TPD52: variants seen among roughly 807,000 people sequenced by gnomAD.
The protein encoded by TPD52 is tumor protein D52.
Under a neutral mutation model 31.3 loss-of-function variants are expected in TPD52, and 17 were observed. The ratio of observed to expected loss-of-function variants is 0.54; its 90% CI spans 0.37 to 0.82. The LOEUF is 0.82. TPD52 is among the 40% of genes least tolerant of loss of function. The pLI is 0.00. For synonymous variants in TPD52, 83 were observed against 89.6 expected, an observed-to-expected ratio of 0.93 and a Z score of 0.42; for missense variants, 212 against 240.1, an observed-to-expected ratio of 0.88 and a Z score of 0.77.
chr8:80,086,472 C>A (rs1412809302), intron 1 of TPD52, among the ~76,000 whole-genome samples: 1 of 151,880 alleles, frequency 6.6e-6, no homozygotes, highest in Non-Finnish European at 1.5e-5. Flanking sequence ...ACATCGATGT[C>A]ATAAAGGACA....
At chr8:80,115,954 G>C (rs1807833845) in intron 1 of TPD52, among the ~76,000 whole-genome samples, 2 of 152,074 alleles carry the variant, frequency 1.3e-5, no homozygotes, top group African/African-American at 4.8e-5. Context: ...ACAAAAACTT[G>C]TTAAAATAAA....
At chr8:80,067,167 C>G (rs1813249797) in intron 1 of TPD52, 1 of 152,148 alleles carries the variant, frequency 6.6e-6, no homozygotes. Flanking sequence ...AAGTATGCGG[C>G]TAGGCTATCA....
At chr8:80,130,631 T>C (rs1169245432) in intron 1 of TPD52, among the ~76,000 whole-genome samples, 5 of 152,200 alleles carry the variant, frequency 3.3e-5, no homozygotes, top group Admixed American at 6.5e-5. Context: ...AACAAGATAC[T>C]AGAAAATATA....
At chr8:80,164,898 CAAAAAAAAAAAAAAA>C (rs34027501) in intron 1 of TPD52, among the ~76,000 whole-genome samples, 17 of 31,910 alleles carry the variant, frequency 5.3e-4, no homozygotes, top group Non-Finnish European at 9.7e-4. Context: ...GACAATGTCT[CAAAAAAAAAAAAAAA>C]AAAAAAAAAA....
chr8:80,125,367 A>G (rs1808530827), intron 1 of TPD52, among the ~76,000 whole-genome samples: 1 of 152,152 alleles, frequency 6.6e-6, no homozygotes, highest in South Asian at 2.1e-4. Context: ...ACAGGGAGCT[A>G]CGATCCTGCC....
intron 1 of TPD52, among the ~76,000 whole-genome samples, chr8:80,077,576 T>TA (rs1055522753): frequency 1.3e-5 from 2 of 151,954 alleles, no homozygotes; most frequent in East Asian, 3.9e-4. Flanking sequence ...TGTTGCGGTC[T>TA]AAAAAAAACA....
At chr8:80,170,998 T>C (rs953452104) in intron 1 of TPD52, 6 of 405,450 alleles carry the variant, frequency 1.5e-5, no homozygotes, top group Non-Finnish European at 2.8e-5. Context: ...TCTTAATTTA[T>C]GAGGGAGAGA....
intron 1 of TPD52, among the ~76,000 whole-genome samples, chr8:80,074,172 C>T (rs1036254446): frequency 1.3e-5 from 2 of 152,190 alleles, no homozygotes; most frequent in Admixed American, 6.5e-5. Context: ...ACTTTAAGAC[C>T]GGAGTCGCGG....
chr8:80,129,210 T>TA (rs1586356242), intron 1 of TPD52, among the ~76,000 whole-genome samples: 2 of 152,250 alleles, frequency 1.3e-5, no homozygotes, highest in East Asian at 3.9e-4. Context: ...CCTCAGAACA[T>TA]AAACTCTTTT....
intron 5 of TPD52, among the ~76,000 whole-genome samples, chr8:80,046,191 G>GA (rs755508035): frequency 3.9e-5 from 6 of 152,064 alleles, no homozygotes; most frequent in African/African-American, 4.8e-5. Context: ...TTTATTTTGT[G>GA]AAAAAAATCA....
intron 1 of TPD52, among the ~76,000 whole-genome samples, chr8:80,069,951 T>C (rs1301067497): frequency 6.6e-6 from 1 of 152,192 alleles, no homozygotes; most frequent in Non-Finnish European, 1.5e-5. Flanking sequence ...TGTCACTTTA[T>C]CTCTCCATCT....
intron 2 of TPD52, 24 bp downstream of exon 2, chr8:80,064,454 G>A: frequency 6.4e-7 from 1 of 1,568,790 alleles, no homozygotes; most frequent in East Asian, 2.2e-5. Flanking sequence ...CAAAAATAAA[G>A]TTGCAAAAGG....
intron 1 of TPD52, among the ~76,000 whole-genome samples, chr8:80,147,855 C>A (rs1357978466): frequency 1.3e-5 from 2 of 149,012 alleles, no homozygotes; most frequent in Non-Finnish European, 2.9e-5. Flanking sequence ...CACACACACA[C>A]CCCCCACACC....
intron 5 of TPD52, among the ~76,000 whole-genome samples, chr8:80,048,129 T>TC (rs1213667155): frequency 6.6e-6 from 1 of 152,158 alleles, no homozygotes; most frequent in Non-Finnish European, 1.5e-5. Flanking sequence ...CCAGAGGGCC[T>TC]CCCAGGACAG....
intron 1 of TPD52, among the ~76,000 whole-genome samples, chr8:80,111,990 A>G (rs1807529020): frequency 6.6e-6 from 1 of 152,230 alleles, no homozygotes; most frequent in African/African-American, 2.4e-5. Context: ...TGAAATCAAA[A>G]CATTAATTGG....
chr8:80,102,962 G>T (rs567824251), intron 1 of TPD52, among the ~76,000 whole-genome samples: 1 of 152,262 alleles, frequency 6.6e-6, no homozygotes, highest in South Asian at 2.1e-4. Flanking sequence ...TGAACCCATG[G>T]ACGTTCCTGG....
At chr8:80,101,082 A>T (rs1037085489) in intron 1 of TPD52, among the ~76,000 whole-genome samples, 2 of 152,226 alleles carry the variant, frequency 1.3e-5, no homozygotes, top group African/African-American at 4.8e-5. Flanking sequence ...GCAGGGACCC[A>T]GACAACAACA....
At chr8:80,125,475 T>C (rs927383527) in intron 1 of TPD52, among the ~76,000 whole-genome samples, 1 of 152,038 alleles carries the variant, frequency 6.6e-6, no homozygotes, top group African/African-American at 2.4e-5. Flanking sequence ...ATGATACTGA[T>C]ACTTCTTTTT....
intron 1 of TPD52, among the ~76,000 whole-genome samples, chr8:80,152,407 C>T (rs1810638044): frequency 1.3e-5 from 2 of 152,042 alleles, no homozygotes; most frequent in Non-Finnish European, 2.9e-5. Flanking sequence ...ACACTCATTC[C>T]CAACAACAAA....
Sources: gnomAD v4.1 joint callset for allele counts (sites outside exome capture counted in the v4.1 genomes callset) on GRCh38, gnomAD v4.1.1 for gene constraint, MANE v1.5 for transcripts, NCBI Gene and HGNC (gene_info 2026-07-23, HGNC 2026-07-21) for gene names.